STARD13: variants seen among roughly 807,000 people sequenced by gnomAD.
STARD13 encodes stAR-related lipid transfer protein 13.
A neutral mutation model predicts 106.4 loss-of-function variants in STARD13; 62 were observed. That is an observed-to-expected ratio of 0.58 (90% confidence interval 0.48 to 0.72). The LOEUF (loss-of-function observed/expected upper bound fraction) is 0.72, where lower values mean the gene tolerates loss of function less well. Ranked by LOEUF, STARD13 falls within the 30% of genes least tolerant of loss-of-function variation. The pLI is 0.00. For synonymous variants in STARD13, 565 were observed against 553.0 expected (o/e 1.02, Z -0.31); for missense variants, 1,387 against 1,424.0 (o/e 0.97, Z 0.42).
the STARD13 span, among the ~76,000 whole-genome samples, chr13:33,441,759 TC>T: frequency 6.6e-4 from 100 of 152,312 alleles, no homozygotes; most frequent in Admixed American, 2.2e-3. Flanking sequence ...TTCCTTCCCA[TC>T]CCATTGTTTG....
chr13:33,601,869 A>G, the STARD13 span, among the ~76,000 whole-genome samples: 1 of 152,048 alleles, frequency 6.6e-6, no homozygotes, highest in Non-Finnish European at 1.5e-5. Context: ...ACCCCTGGAT[A>G]TTTTCCTGAG....
the STARD13 span, among the ~76,000 whole-genome samples, chr13:33,656,370 GT>G: frequency 6.6e-6 from 1 of 152,186 alleles, no homozygotes; most frequent in Non-Finnish European, 1.5e-5. Flanking sequence ...ATATCTAAAA[GT>G]CTTGAAAGCT....
intron 1 of STARD13, among the ~76,000 whole-genome samples, chr13:33,168,732 C>T (rs1883612598): frequency 6.6e-6 from 1 of 152,220 alleles, no homozygotes; most frequent in South Asian, 2.1e-4. Flanking sequence ...ATGATCTACA[C>T]TAACATCACC....
the STARD13 span, among the ~76,000 whole-genome samples, chr13:33,670,277 T>C: frequency 2.1e-4 from 32 of 152,190 alleles, 1 homozygote; most frequent in African/African-American, 7.0e-4. Flanking sequence ...GTGGGACATT[T>C]TGAAAATCCT....
chr13:33,215,105 A>G (rs1280729909), intron 1 of STARD13, among the ~76,000 whole-genome samples: 1 of 98,032 alleles, frequency 1.0e-5, no homozygotes, highest in Non-Finnish European at 1.8e-5. Context: ...AAATTCAGGA[A>G]TAGAATGAGT....
chr13:33,267,699 G>C (rs1202334509), intron 1 of STARD13, among the ~76,000 whole-genome samples: 1 of 152,228 alleles, frequency 6.6e-6, no homozygotes, highest in South Asian at 2.1e-4. Context: ...AGCCAGTGGA[G>C]TTACAACAAA....
intron 1 of STARD13, among the ~76,000 whole-genome samples, chr13:33,334,827 T>G (rs2077876116): frequency 6.6e-6 from 1 of 152,176 alleles, no homozygotes; most frequent in African/African-American, 2.4e-5. Context: ...GGAAAGGTTG[T>G]TATGAAATAA....
the STARD13 span, among the ~76,000 whole-genome samples, chr13:33,652,108 T>G: frequency 2.6e-5 from 4 of 152,224 alleles, no homozygotes; most frequent in Non-Finnish European, 2.9e-5. Context: ...GCTTATTGTT[T>G]CAATCCATCA....
intron 1 of STARD13, among the ~76,000 whole-genome samples, chr13:33,259,131 C>A (rs114030675): frequency 0.011 from 1,695 of 152,324 alleles, 34 homozygotes; most frequent in African/African-American, 0.038. Context: ...TCCCCTGCCC[C>A]CACTAGAATG....
At chr13:33,522,373 G>A in the STARD13 span, among the ~76,000 whole-genome samples, 3 of 152,002 alleles carry the variant, frequency 2.0e-5, 1 homozygote, top group South Asian at 6.2e-4. Flanking sequence ...GACCTCCACT[G>A]ACACATCATT....
At chr13:33,421,979 A>G in the STARD13 span, among the ~76,000 whole-genome samples, 1 of 152,202 alleles carries the variant, frequency 6.6e-6, no homozygotes, top group Non-Finnish European at 1.5e-5. Flanking sequence ...ACAAACCCAC[A>G]GCCAATATCA....
At chr13:33,261,229 C>T (rs1326200426) in intron 1 of STARD13, among the ~76,000 whole-genome samples, 1 of 152,186 alleles carries the variant, frequency 6.6e-6, no homozygotes, top group East Asian at 1.9e-4. Context: ...GTTTTCACAA[C>T]TTGTGGGTTA....
At chr13:33,326,039 TTCA>T (rs545651435) in intron 1 of STARD13, among the ~76,000 whole-genome samples, 147 of 143,242 alleles carry the variant, frequency 1.0e-3, no homozygotes, top group African/African-American at 3.6e-3. Flanking sequence ...GAATATATAA[TTCA>T]TCAACCGGTG....
chr13:33,463,090 G>A, the STARD13 span, among the ~76,000 whole-genome samples: 1 of 152,146 alleles, frequency 6.6e-6, no homozygotes, highest in African/African-American at 2.4e-5. Context: ...CAAATCTCTG[G>A]AAGTGATGCA....
intron 13 of STARD13, 27 bp from the exon 14 acceptor site, chr13:33,105,737 G>A (rs1325586474): frequency 6.3e-7 from 1 of 1,579,050 alleles, no homozygotes; most frequent in Non-Finnish European, 8.7e-7. Context: ...CAGAAAGGAA[G>A]TGGGAAAGTT....
At chr13:33,356,105 A>G in the STARD13 span, among the ~76,000 whole-genome samples, 1 of 152,116 alleles carries the variant, frequency 6.6e-6, no homozygotes, top group Admixed American at 6.5e-5. Context: ...CTTTGGGGGG[A>G]CCATGATTAC....
chr13:33,323,906 C>T (rs370470044), intron 1 of STARD13, among the ~76,000 whole-genome samples: 10 of 152,070 alleles, frequency 6.6e-5, no homozygotes, highest in East Asian at 5.8e-4. Context: ...CGAAACACAC[C>T]GTCAGGATCT....
chr13:33,431,632 G>A, the STARD13 span, among the ~76,000 whole-genome samples: 1 of 152,264 alleles, frequency 6.6e-6, no homozygotes, highest in South Asian at 2.1e-4. Flanking sequence ...TTTTATTAAA[G>A]TGTTGGTCTT....
At chr13:33,124,867 C>T (rs1214870847) in intron 7 of STARD13, among the ~76,000 whole-genome samples, 2 of 152,130 alleles carry the variant, frequency 1.3e-5, no homozygotes, top group East Asian at 3.8e-4. Flanking sequence ...GAATAAGAGG[C>T]AAGCTATTAA....
Sources: gnomAD v4.1 joint callset for allele counts (sites outside exome capture counted in the v4.1 genomes callset) on GRCh38, gnomAD v4.1.1 for gene constraint, MANE v1.5 for transcripts, NCBI Gene and HGNC (gene_info 2026-07-23, HGNC 2026-07-21) for gene names.